SLC35F4: variants seen among roughly 807,000 people sequenced by gnomAD.
SLC35F4 encodes chromosome 14 open reading frame 36.
Under a neutral mutation model 44.2 loss-of-function variants are expected in SLC35F4, and 24 were observed. The observed-to-expected ratio is 0.54, with a 90% CI of 0.39 to 0.76. The LOEUF (loss-of-function observed/expected upper bound fraction) is 0.76. SLC35F4 is among the 30% of genes least tolerant of loss of function. The pLI is 0.00. For missense variants in SLC35F4, 562 were observed against 586.1 expected (o/e 0.96, Z 0.42); for synonymous variants, 238 against 223.6 (o/e 1.06, Z -0.57).
rs1459230942 is a variant in SLC35F4 at position 57,589,412 on chromosome 14, C to T, written c.391G>A (p.Gly131Arg). 1 of 1,613,760 alleles carries T rather than the reference C, an allele frequency of 6.2e-7. No individual in the cohort carries two copies. The highest frequency in any genetic ancestry group is 8.5e-7 in the Non-Finnish European group (1 of 1,179,864). The part of the protein sequence containing the change: ...CTSMVLKGIW[G>R]LLIILSVSSS... ...GATACTGACAAGATGATCAAGAGTCCCCAGATGCCCTTCAGAACCATGGAC... is the reference window on the plus strand; with the variant it reads ...GATACTGACAAGATGATCAAGAGTCTCCAGATGCCCTTCAGAACCATGGAC... Residue 131 changes from glycine to arginine, a missense_variant, in exon 3 of 8, where the codon GGA becomes AGA. Transcript: ENST00000556826.
rs2076142236 is a variant in SLC35F4, at chr14:57,723,836, A to T, written c.104-129712T>A. On this transcript the variant is annotated intron_variant, in intron 1 of 7. Coordinates refer to ENST00000556826, the MANE Select transcript of SLC35F4 (RefSeq NM_001306087.2). Reference sequence around the variant, plus strand: ...CCATTACATTGATGATATTATGCTGATTGGATCTAGTGAGCAAGAAGTAGC... The same window carrying T: ...CCATTACATTGATGATATTATGCTGTTTGGATCTAGTGAGCAAGAAGTAGC... Among the ~76,000 whole-genome samples the T allele has an allele frequency of 7.9e-5, 12 of 152,284 alleles. No homozygotes were observed. The South Asian group carries it at 2.5e-3, about 32-fold the overall frequency.
At chr14:57,958,292 T>C (rs977154742) in intron 1 of SLC35F4, among the ~76,000 whole-genome samples, 3 of 152,114 alleles carry the variant, frequency 2.0e-5, no homozygotes, top group African/African-American at 7.2e-5. Context: ...TCTCCTGACC[T>C]CGTGATCTGC....
intron 4 of SLC35F4, chr14:57,580,677 G>A (rs1437124754): frequency 5.3e-6 from 1 of 187,836 alleles, no homozygotes; most frequent in African/African-American, 2.4e-5. Flanking sequence ...AAAAGAAGTT[G>A]TTGCTTGTAC....
chr14:57,590,770 T>C (rs1566655914), intron 2 of SLC35F4, among the ~76,000 whole-genome samples: 1 of 152,182 alleles, frequency 6.6e-6, no homozygotes, highest in African/African-American at 2.4e-5. Flanking sequence ...GCACAAGGCC[T>C]ATGCTGAGGG....
At chr14:57,713,881 G>A (rs1392987221) in intron 1 of SLC35F4, among the ~76,000 whole-genome samples, 1 of 152,102 alleles carries the variant, frequency 6.6e-6, no homozygotes. Context: ...ATCTTCCATC[G>A]AACTGCTGTT....
At chr14:57,639,300 T>C (rs1366378363) in intron 1 of SLC35F4, among the ~76,000 whole-genome samples, 2 of 152,118 alleles carry the variant, frequency 1.3e-5, no homozygotes, top group Non-Finnish European at 2.9e-5. Context: ...ACACAAGATA[T>C]ACCACTTCTC....
intron 1 of SLC35F4, among the ~76,000 whole-genome samples, chr14:57,826,737 C>G (rs10151956): frequency 6.6e-6 from 1 of 151,258 alleles, no homozygotes; most frequent in Non-Finnish European, 1.5e-5. Context: ...ATACATGTGG[C>G]CAGCAAACAT....
intron 1 of SLC35F4, among the ~76,000 whole-genome samples, chr14:57,911,459 C>T (rs2141051633): frequency 6.6e-6 from 1 of 151,938 alleles, no homozygotes; most frequent in South Asian, 2.1e-4. Flanking sequence ...GGAAGTTTTT[C>T]TCTATTTTTA....
intron 1 of SLC35F4, among the ~76,000 whole-genome samples, chr14:57,713,612 A>C (rs2075865540): frequency 6.6e-6 from 1 of 152,178 alleles, no homozygotes. Context: ...TGCATTTACT[A>C]CACTGTACAA....
chr14:57,776,665 C>CAAAAAAAAAAAAAAAAAAAAAAAAAAAA (rs57272978), intron 1 of SLC35F4, among the ~76,000 whole-genome samples: 2 of 72,072 alleles, frequency 2.8e-5, no homozygotes, highest in African/African-American at 4.6e-5. Flanking sequence ...GACTCCATCT[C>CAAAAAAAAAAAAAAAAAAAAAAAAAAAA]AAAAAAAAAA....
intron 1 of SLC35F4, among the ~76,000 whole-genome samples, chr14:57,980,689 A>C (rs2141100966): frequency 6.6e-6 from 1 of 152,328 alleles, no homozygotes; most frequent in East Asian, 1.9e-4. Flanking sequence ...AGGCAAAGAA[A>C]GCTGTATCCC....
At chr14:57,629,300 T>A (rs1396851530) in intron 1 of SLC35F4, among the ~76,000 whole-genome samples, 1 of 152,012 alleles carries the variant, frequency 6.6e-6, no homozygotes. Flanking sequence ...CCACTAAAAA[T>A]TTTTTTTAAA....
intron 1 of SLC35F4, among the ~76,000 whole-genome samples, chr14:57,636,327 A>G (rs1226612798): frequency 6.6e-6 from 1 of 152,110 alleles, no homozygotes; most frequent in Non-Finnish European, 1.5e-5. Context: ...GTTCTACTCT[A>G]TATTGCAGAG....
chr14:57,696,295 G>A (rs566387767), intron 1 of SLC35F4, among the ~76,000 whole-genome samples: 83 of 152,138 alleles, frequency 5.5e-4, no homozygotes, highest in Middle Eastern at 3.4e-3. Context: ...AGGCATTTAC[G>A]CAGCCAACAA....
chr14:57,759,885 T>C (rs1472970172), intron 1 of SLC35F4, among the ~76,000 whole-genome samples: 1 of 151,838 alleles, frequency 6.6e-6, no homozygotes, highest in East Asian at 1.9e-4. Context: ...TGCTTGTTTT[T>C]TTTTTTTGTT....
At chr14:57,571,217 G>T (rs1309172516) in intron 5 of SLC35F4, among the ~76,000 whole-genome samples, 1 of 152,162 alleles carries the variant, frequency 6.6e-6, no homozygotes, top group Non-Finnish European at 1.5e-5. Flanking sequence ...TAACTTTTTA[G>T]ATCTGCTCTC....
chr14:57,939,809 T>C (rs1232267328), intron 1 of SLC35F4, among the ~76,000 whole-genome samples: 1 of 152,204 alleles, frequency 6.6e-6, no homozygotes, highest in Non-Finnish European at 1.5e-5. Flanking sequence ...ATCCAAGTTA[T>C]AGAGTAAGTT....
At chr14:57,586,392 C>A (rs1039358979) in intron 3 of SLC35F4, among the ~76,000 whole-genome samples, 1 of 152,016 alleles carries the variant, frequency 6.6e-6, no homozygotes, top group East Asian at 1.9e-4. Flanking sequence ...AAAACCTAGG[C>A]AATACCATTC....
intron 1 of SLC35F4, among the ~76,000 whole-genome samples, chr14:57,765,589 T>G (rs1186988449): frequency 6.6e-6 from 1 of 152,266 alleles, no homozygotes; most frequent in Non-Finnish European, 1.5e-5. Context: ...ACATCAACAG[T>G]ATTAATTTTT....
Sources: gnomAD v4.1 joint callset for allele counts (sites outside exome capture counted in the v4.1 genomes callset) on GRCh38, gnomAD v4.1.1 for gene constraint, MANE v1.5 for transcripts, NCBI Gene and HGNC (gene_info 2026-07-23, HGNC 2026-07-21) for gene names.